The following ARSG variants were observed in gnomAD, a reference collection of about 807,000 sequenced individuals.
ARSG encodes ASG.
A neutral mutation model predicts 50.5 loss-of-function variants in ARSG; 37 were observed. The observed-to-expected ratio is 0.73, with a 90% confidence interval of 0.56 to 0.96. The LOEUF is 0.96. Among genes scored for constraint, ARSG ranks in the 50% least tolerant of loss-of-function variants. The pLI, the probability that ARSG is intolerant of heterozygous loss-of-function variation, is 0.00. For synonymous variants in ARSG, 225 were observed against 254.6 expected (o/e 0.88, Z 1.11); for missense variants, 629 against 675.3 (o/e 0.93, Z 0.76).
chr17:68,323,927 G>A (rs1487816263), intron 2 of ARSG, among the ~76,000 whole-genome samples: 1 of 152,016 alleles, frequency 6.6e-6, no homozygotes, highest in Non-Finnish European at 1.5e-5. Flanking sequence ...ACAAAAATTA[G>A]CCAGGTGTGG....
At chr17:68,426,284 G>C, downstream of ARSG, 1 of 845,386 alleles carries the variant, frequency 1.2e-6, no homozygotes, top group Non-Finnish European at 1.9e-6. Flanking sequence ...AAGCAAAGGG[G>C]CTGTCTGTCT....
chr17:68,337,495 A>G (rs2078075041), intron 2 of ARSG, among the ~76,000 whole-genome samples: 1 of 152,170 alleles, frequency 6.6e-6, no homozygotes, highest in African/African-American at 2.4e-5. Context: ...GAGGATGAAG[A>G]CAGGTCTCCT....
At chr17:68,413,501 C>A (rs1477453780) in intron 11 of ARSG, 2 of 152,136 alleles carry the variant, frequency 1.3e-5, no homozygotes, top group Non-Finnish European at 2.9e-5. Context: ...GCTGGGAGAA[C>A]CACTGCTCTC....
the ARSG span, among the ~76,000 whole-genome samples, chr17:68,445,964 G>A: frequency 6.6e-6 from 1 of 152,182 alleles, no homozygotes; most frequent in Non-Finnish European, 1.5e-5. Flanking sequence ...TGATTGCGAT[G>A]CACACTGAGG....
Position 68,356,689 on chromosome 17 carries a change from A to T in ARSG, c.589A>T (p.Thr197Ser). Residue 197 changes from threonine to serine, a missense_variant, in exon 6 of 12, where the codon ACT becomes TCT. Physicochemically the swap from Thr to Ser is moderately conservative, Grantham distance 58. Transcript: ENST00000621439. ...PSRNLQRDCYTDVALPLYENL... is the reference protein window; with the variant it reads ...PSRNLQRDCYSDVALPLYENL... ...CAGGAACCTTCAAAGAGACTGTTAC[A>T]CTGACGTGGCCCTCCCTCTTTATGA... The T allele has an allele frequency of 6.2e-7, 1 of 1,614,238 alleles. No homozygotes were observed. Among genetic ancestry groups the T allele is most frequent in the Non-Finnish European group, 8.5e-7 (1 of 1,180,028 alleles).
intron 1 of ARSG, among the ~76,000 whole-genome samples, chr17:68,265,776 A>G (rs1262766138): frequency 1.9e-5 from 2 of 108,040 alleles, no homozygotes; most frequent in African/African-American, 3.6e-5. Context: ...TAACATTTTT[A>G]TGTGATTGAA....
intron 1 of ARSG, chr17:68,272,663 A>G (rs1464787375): frequency 1.2e-6 from 2 of 1,614,168 alleles, no homozygotes; most frequent in African/African-American, 2.7e-5. Flanking sequence ...AACACAGCGA[A>G]ACATTCTCCT....
At position 68,282,787 on chromosome 17, in the gene ARSG, A is replaced by AAAAAAAAAAAAAAAAAAG. The variant is rs1555753231; in HGVS notation, c.-552+23374_-552+23375insAAAAGAAAAAAAAAAAAA. ...TGAAACCCCATCTCTACTAAAAAAA[A>AAAAAAAAAAAAAAAAAAG]AAAAAAAAAAAAAGGCCAGGTGTGC... On this transcript the variant is annotated intron_variant, in intron 1 of 11. Transcript: ENST00000448504. 2.2e-4 allele frequency among the ~76,000 whole-genome samples: 33 copies of AAAAAAAAAAAAAAAAAAG among 146,788 alleles called. 1 individual carries two copies. Among genetic ancestry groups the AAAAAAAAAAAAAAAAAAG allele is most frequent in the African/African-American group, 7.6e-4 (30 of 39,240 alleles).
At chr17:68,417,009 G>A (rs2082412472) in intron 11 of ARSG, among the ~76,000 whole-genome samples, 1 of 152,120 alleles carries the variant, frequency 6.6e-6, no homozygotes, top group African/African-American at 2.4e-5. Flanking sequence ...TCCATTGCTG[G>A]TGAGCTAGTG....
intron 1 of ARSG, among the ~76,000 whole-genome samples, chr17:68,298,734 T>C (rs1299752810): frequency 6.6e-6 from 1 of 152,166 alleles, no homozygotes; most frequent in East Asian, 1.9e-4. Context: ...GAGGGCTCTC[T>C]TCCTGGCCTG....
upstream of ARSG, among the ~76,000 whole-genome samples, chr17:68,286,558 G>C: frequency 6.6e-6 from 1 of 152,112 alleles, no homozygotes; most frequent in Non-Finnish European, 1.5e-5. Flanking sequence ...AGGCTGAAGT[G>C]CAGTGGCACG....
At chr17:68,334,456 A>G (rs1447910997) in intron 2 of ARSG, among the ~76,000 whole-genome samples, 3 of 152,132 alleles carry the variant, frequency 2.0e-5, no homozygotes, top group Non-Finnish European at 4.4e-5. Flanking sequence ...ACCAAACCTT[A>G]TCTTATGAGA....
chr17:68,279,979 C>T (rs111589243), intron 1 of ARSG, among the ~76,000 whole-genome samples: 6 of 152,000 alleles, frequency 3.9e-5, no homozygotes, highest in African/African-American at 1.4e-4. Flanking sequence ...GTCAGGAGTT[C>T]GAGACCAGCC....
intron 5 of ARSG, among the ~76,000 whole-genome samples, chr17:68,355,296 C>T (rs530860316): frequency 4.9e-4 from 74 of 152,340 alleles, no homozygotes; most frequent in African/African-American, 1.7e-3. Flanking sequence ...GACCATGACT[C>T]AGCCACATTG....
chr17:68,420,113 C>A, intron 11 of ARSG, 76 bp from the exon 12 acceptor site: 1 of 1,507,982 alleles, frequency 6.6e-7, no homozygotes, highest in Non-Finnish European at 9.0e-7. Flanking sequence ...AATGTAGAAT[C>A]ACTCGCAGCT....
chr17:68,335,834 A>C (rs1273709475), intron 2 of ARSG, among the ~76,000 whole-genome samples: 1 of 152,220 alleles, frequency 6.6e-6, no homozygotes, highest in Non-Finnish European at 1.5e-5. Flanking sequence ...GTGTGTTGGA[A>C]GCAAAGGAGG....
chr17:68,270,982 C>T (rs1423429001), intron 1 of ARSG: 1 of 1,614,004 alleles, frequency 6.2e-7, no homozygotes, highest in Non-Finnish European at 8.5e-7. Flanking sequence ...AACCATAAAC[C>T]CAAAAAATAT....
At chr17:68,303,686 G>T (rs2076504104) in intron 1 of ARSG, among the ~76,000 whole-genome samples, 1 of 151,892 alleles carries the variant, frequency 6.6e-6, no homozygotes, top group South Asian at 2.1e-4. Flanking sequence ...CTGACCTCAG[G>T]TGATCTGCCT....
At chr17:68,414,823 G>A (rs991666512) in intron 11 of ARSG, among the ~76,000 whole-genome samples, 20 of 152,088 alleles carry the variant, frequency 1.3e-4, no homozygotes, top group African/African-American at 4.3e-4. Context: ...AAATGCAAAG[G>A]TGTTCATAGT....
Sources: allele counts gnomAD v4.1 joint callset (sites outside exome capture counted in the v4.1 genomes callset), GRCh38; gene constraint gnomAD v4.1.1; transcripts MANE v1.5; gene names NCBI Gene and HGNC (gene_info 2026-07-23, HGNC 2026-07-21).